The following ANKRD11 variants were observed in gnomAD, a reference collection of about 807,000 sequenced individuals.
The protein encoded by ANKRD11 is ankyrin repeat domain 11.
In ANKRD11, 17 loss-of-function variants were observed where a neutral mutation model predicts 195.7. The observed-to-expected ratio is 0.09, with a 90% CI of 0.06 to 0.13. The LOEUF (loss-of-function observed/expected upper bound fraction) is 0.13, where lower values mean the gene tolerates loss of function less well. ANKRD11 is among the 10% of genes least tolerant of loss of function. ANKRD11 has a pLI of 1.00. For synonymous variants in ANKRD11, 1,953 were observed against 1,528.1 expected (o/e 1.28, Z -6.49); for missense variants, 3,735 against 3,566.1 (o/e 1.05, Z -1.21).
intron 2 of ANKRD11, chr16:89,321,010 C>G (rs953755029): frequency 6.6e-6 from 1 of 152,396 alleles, no homozygotes; most frequent in African/African-American, 2.4e-5. Flanking sequence ...CTGTCAAGAC[C>G]GGCCCAGGGA....
At chr16:89,457,899 C>T (rs1265852165) in intron 1 of ANKRD11, among the ~76,000 whole-genome samples, 3 of 152,084 alleles carry the variant, frequency 2.0e-5, no homozygotes, top group Admixed American at 1.3e-4. Flanking sequence ...AATGGAGCCA[C>T]GCGAACCAAT....
At chr16:89,431,186 C>A (rs933924933) in intron 1 of ANKRD11, 1 of 152,208 alleles carries the variant, frequency 6.6e-6, no homozygotes, top group Admixed American at 6.6e-5. Context: ...GCAGCAAAGG[C>A]AAAGTACAGA....
At chr16:89,289,205 G>T (rs547953149) in intron 6 of ANKRD11, among the ~76,000 whole-genome samples, 3 of 152,100 alleles carry the variant, frequency 2.0e-5, no homozygotes, top group African/African-American at 7.2e-5. Flanking sequence ...CGGTGTGGCC[G>T]CACGCATCCG....
intron 1 of ANKRD11, among the ~76,000 whole-genome samples, chr16:89,463,061 C>T (rs1204926858): frequency 3.2e-5 from 1 of 31,050 alleles, no homozygotes; most frequent in African/African-American, 1.1e-4. Context: ...GGGGGTCAGC[C>T]CCCCCGCCCG....
At chr16:89,303,988 C>G (rs1311597225) in intron 4 of ANKRD11, among the ~76,000 whole-genome samples, 1 of 152,176 alleles carries the variant, frequency 6.6e-6, no homozygotes, top group Non-Finnish European at 1.5e-5. Flanking sequence ...GGGACAGAGC[C>G]GAGGGCCTGA....
intron 4 of ANKRD11, among the ~76,000 whole-genome samples, chr16:89,296,764 G>C (rs948614886): frequency 6.6e-6 from 1 of 152,250 alleles, no homozygotes; most frequent in African/African-American, 2.4e-5. Context: ...GGATGAGGAA[G>C]GTGTGTCTCT....
intron 1 of ANKRD11, among the ~76,000 whole-genome samples, chr16:89,443,738 T>C (rs780905642): frequency 1.3e-5 from 2 of 152,212 alleles, no homozygotes; most frequent in Non-Finnish European, 2.9e-5. Context: ...CATGTAAAGA[T>C]ACACAAGCTG....
intron 6 of ANKRD11, among the ~76,000 whole-genome samples, chr16:89,289,596 C>T (rs1235595333): frequency 1.3e-5 from 2 of 152,314 alleles, no homozygotes; most frequent in Admixed American, 1.3e-4. Flanking sequence ...GGAGTCCAGT[C>T]CAGGGTGTCG....
At chr16:89,475,409 C>T (rs1379673602) in intron 1 of ANKRD11, among the ~76,000 whole-genome samples, 3 of 152,182 alleles carry the variant, frequency 2.0e-5, no homozygotes, top group Admixed American at 6.5e-5. Flanking sequence ...ACCCACCACG[C>T]TGCACTGTTT....
intron 1 of ANKRD11, among the ~76,000 whole-genome samples, chr16:89,458,513 C>T (rs754697499): frequency 2.4e-4 from 36 of 152,264 alleles, no homozygotes; most frequent in Non-Finnish European, 4.7e-4. Flanking sequence ...CGTGAGCCAC[C>T]GTGCCCGGCC....
intron 1 of ANKRD11, among the ~76,000 whole-genome samples, chr16:89,470,884 T>G (rs749976837): frequency 9.2e-5 from 14 of 151,976 alleles, no homozygotes; most frequent in Non-Finnish European, 1.3e-4. Context: ...TCCCAGTTAC[T>G]CGGGAGGCTG....
At chr16:89,305,738 G>A (rs1199278545) in intron 3 of ANKRD11, among the ~76,000 whole-genome samples, 1 of 96,102 alleles carries the variant, frequency 1.0e-5, no homozygotes, top group Non-Finnish European at 2.0e-5. Context: ...GCAGACACGC[G>A]CCACCTACCT....
chr16:89,455,449 C>T (rs2056392602), intron 1 of ANKRD11, among the ~76,000 whole-genome samples: 1 of 152,074 alleles, frequency 6.6e-6, no homozygotes, highest in South Asian at 2.1e-4. Flanking sequence ...AGGAGCTACA[C>T]GCACCACATC....
At position 89,279,922 on chromosome 16, in the gene ANKRD11, GGCTCAGGCTCGA is replaced by G. The variant is rs1567556010; in HGVS notation, c.6608_6619del (p.Leu2203_Glu2206del). On this transcript the variant is annotated inframe_deletion, in exon 9 of 13. Coordinates refer to ENST00000301030, the MANE Select transcript of ANKRD11 (RefSeq NM_013275.6). This position sits in a 1 kb window ranked among gnomAD's most constrained non-coding sequence, Gnocchi z 5.6. ...CACGTCCAGCTTTGGCTCCCCTGAG[GGCTCAGGCTCGA>G]GCTCTGCAGGGAGCCGGGTGGAGGC... 1 of 1,609,996 alleles carries G rather than the reference GGCTCAGGCTCGA, an allele frequency of 6.2e-7. No homozygotes were observed. The highest frequency in any genetic ancestry group is 1.1e-5 in the South Asian group (1 of 90,934).
chr16:89,314,709 A>G (rs2036843118), intron 3 of ANKRD11, among the ~76,000 whole-genome samples: 1 of 152,140 alleles, frequency 6.6e-6, no homozygotes, highest in South Asian at 2.1e-4. Context: ...TCCACTGCTT[A>G]CTGATCTTCA....
At chr16:89,371,657 G>A (rs2040199519) in intron 2 of ANKRD11, among the ~76,000 whole-genome samples, 1 of 152,136 alleles carries the variant, frequency 6.6e-6, no homozygotes, top group African/African-American at 2.4e-5. Context: ...TGTGGAGGGC[G>A]ATGCAGACTC....
At chr16:89,351,708 A>G (rs1260063544) in intron 2 of ANKRD11, among the ~76,000 whole-genome samples, 1 of 152,230 alleles carries the variant, frequency 6.6e-6, no homozygotes, top group East Asian at 1.9e-4. Context: ...CAAAATGACC[A>G]GAACAGCAGA....
intron 1 of ANKRD11, among the ~76,000 whole-genome samples, chr16:89,486,402 C>T (rs927282414): frequency 7.9e-5 from 12 of 150,958 alleles, no homozygotes; most frequent in South Asian, 4.2e-4. Flanking sequence ...GTTCACGCAA[C>T]TGGCCGCTGC....
At position 89,291,828 on chromosome 16, in the gene ANKRD11, T is replaced by C. The variant is rs1384242053; in HGVS notation, c.227-645A>G. On this transcript the variant is annotated intron_variant, in intron 4 of 12. Transcript: ENST00000301030. This position sits in a 1 kb window ranked among gnomAD's most constrained non-coding sequence, Gnocchi z 5.3. ...ACAAGACACGGTGTGAGAGCTCGGC[T>C]GTTTCCACCTCAGCCTCCTCGTAAC... The C allele has an allele frequency of 8.1e-7, 1 of 1,227,724 alleles. No homozygotes were observed. The highest frequency in any genetic ancestry group is 1.5e-5 in the African/African-American group (1 of 64,574). The allele number at this position is 1,227,724 out of a possible 1,614,324, so 76.1% of individuals were successfully genotyped here.
Sources: gnomAD v4.1 joint callset for allele counts (sites outside exome capture counted in the v4.1 genomes callset) on GRCh38, gnomAD v4.1.1 for gene constraint, Gnocchi (gnomAD v3.1) non-coding constraint, MANE v1.5 for transcripts, NCBI Gene and HGNC (gene_info 2026-07-23, HGNC 2026-07-21) for gene names.